Variants in ZBTB41 observed in about 807,000 individuals in gnomAD.
ZBTB41 encodes zinc finger and BTB domain containing 41.
ZBTB41 carries 42 observed loss-of-function variants against 87.6 expected under a neutral mutation model. That is an observed-to-expected ratio of 0.48 (90% CI 0.37 to 0.62). The LOEUF (loss-of-function observed/expected upper bound fraction) is 0.62. Among genes scored for constraint, ZBTB41 ranks in the 20% least tolerant of loss-of-function variants. The pLI is 0.00. For missense variants in ZBTB41, 799 were observed against 1,078.9 expected (o/e 0.74, Z 3.63); for synonymous variants, 364 against 364.0 (o/e 1.00, Z 0.00).
intron 10 of ZBTB41, among the ~76,000 whole-genome samples, chr1:197,162,590 T>C (rs1468348895): frequency 6.6e-6 from 1 of 152,178 alleles, no homozygotes; most frequent in Non-Finnish European, 1.5e-5. Context: ...TTCAGACTTA[T>C]TTCAGACTTA....
In ZBTB41 at chr1:197,154,145, A is replaced by C. The variant is rs917284677; in HGVS notation, c.*5214T>G. ...CGTTAGAAGGAATAAAAATTTTGTA[A>C]TTACATCACAGTACATTGTCCAGCT... On this transcript the variant is annotated 3_prime_UTR_variant, in exon 11 of 11. Transcript: ENST00000367405. The C allele has an allele frequency of 1.3e-5, 2 of 152,568 alleles. No individual in the cohort carries two copies. The highest frequency in any genetic ancestry group is 6.5e-5 in the Admixed American group (1 of 15,284). 9.5% of individuals were successfully genotyped at this position (152,568 alleles called of 1,614,324 possible).
Position 197,160,064 on chromosome 1 carries a change from A to G in ZBTB41, c.2075-50T>C, listed in dbSNP as rs371275675. The G allele has an allele frequency of 1.6e-5, 24 of 1,462,170 alleles. No homozygotes were observed. In the African/African-American group the frequency reaches 2.7e-4, roughly 16 times the overall value. The allele number at this position is 1,462,170 out of a possible 1,614,324, so 90.6% of individuals were successfully genotyped here. On this transcript the variant is annotated intron_variant, in intron 10 of 10. Coordinates refer to ENST00000367405, the MANE Select transcript of ZBTB41 (RefSeq NM_194314.3). ...TTAGATGTAAAATGTACTCAACTTG[A>G]TAAGACAATGACTTCAAGTAGCAAA...
At position 197,154,476 on chromosome 1, in the gene ZBTB41, T is replaced by C. The variant is rs1296939432; in HGVS notation, c.*4883A>G. The C allele has an allele frequency of 7.9e-5, 12 of 152,086 alleles. No homozygotes were observed. Among genetic ancestry groups the C allele is most frequent in the Admixed American group, 7.2e-4 (11 of 15,274 alleles). 9.4% of individuals were successfully genotyped at this position (152,086 alleles called of 1,614,324 possible). On this transcript the variant is annotated 3_prime_UTR_variant, in exon 11 of 11. Coordinates refer to ENST00000367405, the MANE Select transcript of ZBTB41 (RefSeq NM_194314.3). Reference sequence around the variant, plus strand: ...TAGATTTATGATCATACACAGCAAGTTGAAACATGAGTAAACAAAACATAA... The same window carrying C: ...TAGATTTATGATCATACACAGCAAGCTGAAACATGAGTAAACAAAACATAA...
intron 7 of ZBTB41, 125 bp from the exon 8 acceptor site, chr1:197,176,795 G>A (rs1659620330): frequency 1.5e-6 from 1 of 680,710 alleles, no homozygotes. Flanking sequence ...ATACATTATT[G>A]GCTTTATTTC....
At chr1:197,184,960 G>A (rs959441257) in intron 5 of ZBTB41, among the ~76,000 whole-genome samples, 39 of 152,016 alleles carry the variant, frequency 2.6e-4, no homozygotes, top group Admixed American at 9.2e-4. Context: ...GATTACAGGC[G>A]TCCGCCACCA....
rs139277069 is a variant in ZBTB41 at position 197,200,344 on chromosome 1, T to C, written c.130A>G (p.Thr44Ala). ...VTYTHSAGRP[T>A]PEALHCYQEL... ...TGGTAACAGTGAAGAGCTTCAGGAG[T>C]TGGTCTTCCTGCAGAATGAGTATAG... Residue 44 changes from threonine to alanine, a missense_variant, in exon 2 of 11, where the codon ACT becomes GCT. Transcript: ENST00000367405. 6.2e-6 allele frequency: 10 copies of C among 1,613,950 alleles called. No homozygotes were observed. The African/African-American group carries it at 8.0e-5, about 13-fold the overall frequency.
At chr1:197,197,511 T>A (rs1370199582) in intron 2 of ZBTB41, among the ~76,000 whole-genome samples, 1 of 100,816 alleles carries the variant, frequency 9.9e-6, no homozygotes, top group Non-Finnish European at 2.0e-5. Context: ...TTATCTGGGC[T>A]GAACTTGGAA....
chr1:197,199,489 T>C lies in ZBTB41; in HGVS notation c.985A>G (p.Asn329Asp). ...GCCTCAGGTTCTTCTTCTGCATCAT[T>C]ATGATCCTTTTCACTTTGTTCTTCA... ...DIEEQSEKDH[N>D]DAEEEPEAGD... is the part of the protein sequence containing the mutation. The change falls in exon 2 of 11, where the codon AAT becomes GAT. Residue 329 changes from asparagine to aspartate, a missense_variant. This residue lies in a region of ZBTB41 where 294 missense variants were observed against 340.1 expected (regional missense o/e 0.86). Coordinates refer to ENST00000367405, the MANE Select transcript of ZBTB41 (RefSeq NM_194314.3). 6.2e-7 allele frequency: 1 copy of C among 1,613,152 alleles called. No individual in the cohort carries two copies. The highest frequency in any genetic ancestry group is 8.5e-7 in the Non-Finnish European group (1 of 1,179,742).
chr1:197,189,047 C>A (rs1659955413), intron 4 of ZBTB41, among the ~76,000 whole-genome samples: 2 of 152,044 alleles, frequency 1.3e-5, no homozygotes, highest in Admixed American at 6.5e-5. Flanking sequence ...CATTTTATAG[C>A]CAAGGATGAT....
chr1:197,199,923 G>T lies in ZBTB41; in HGVS notation c.551C>A (p.Ser184Ter), dbSNP rs769233532. ...TGGTGATGACTTTTCAGTTAGCTCT[G>T]AATGAAAAGGGGCAACATTTTCGTT... is the stretch of plus-strand genomic sequence containing the variant. ...LNNENVAPFH[S>*]ELTEKSSPEE... Residue 184 changes from serine (S) to a stop codon, truncating the protein, a stop_gained, in exon 2 of 11, where the codon TCA (serine) becomes TAA (stop). Transcript: ENST00000367405. LOFTEE classifies it high-confidence loss of function. The T allele has an allele frequency of 1.2e-6, 2 of 1,612,380 alleles. No homozygotes were observed. The highest frequency in any genetic ancestry group is 1.7e-6 in the Non-Finnish European group (2 of 1,179,114).
At chr1:197,183,999 T>C (rs1659821374) in intron 5 of ZBTB41, among the ~76,000 whole-genome samples, 1 of 152,212 alleles carries the variant, frequency 6.6e-6, no homozygotes, top group African/African-American at 2.4e-5. Context: ...TTACTTTAGT[T>C]TGTAAGTTCC....
intron 6 of ZBTB41, 138 bp from the exon 7 acceptor site, chr1:197,178,650 C>A (rs1314631451): frequency 3.7e-6 from 2 of 544,100 alleles, no homozygotes; most frequent in East Asian, 3.3e-5. Context: ...TAATTTTGTT[C>A]TTTTCTATTC....
chr1:197,176,414 A>C, intron 8 of ZBTB41, 150 bp downstream of exon 8: 2 of 565,026 alleles, frequency 3.5e-6, no homozygotes, highest in Middle Eastern at 4.7e-4. Flanking sequence ...GATGCTTTTT[A>C]AAAAATGTTT....
At chr1:197,190,630 T>A in intron 4 of ZBTB41, 132 bp downstream of exon 4, 1 of 571,444 alleles carries the variant, frequency 1.7e-6, no homozygotes, top group Non-Finnish European at 3.1e-6. Context: ...ATTAGAATAA[T>A]TTTATATAAA....
chr1:197,192,415 C>T (rs7520284), intron 2 of ZBTB41, among the ~76,000 whole-genome samples: 3 of 151,932 alleles, frequency 2.0e-5, no homozygotes, highest in African/African-American at 2.4e-5. Flanking sequence ...TGAAAAACTG[C>T]GGTAATAACA....
intron 9 of ZBTB41, among the ~76,000 whole-genome samples, chr1:197,174,664 C>A (rs1659560026): frequency 6.6e-6 from 1 of 152,050 alleles, no homozygotes; most frequent in Admixed American, 6.6e-5. Flanking sequence ...TGATTAGAAA[C>A]AAGTTTAAAT....
chr1:197,188,169 C>A, intron 5 of ZBTB41, 123 bp downstream of exon 5: 1 of 1,168,130 alleles, frequency 8.6e-7, no homozygotes, highest in Non-Finnish European at 1.2e-6. Flanking sequence ...TTGCTGTGAA[C>A]CTAAAACCAC....
In ZBTB41 at chr1:197,156,053, A is replaced by C. The variant is rs1401706437; in HGVS notation, c.*3306T>G. The C allele has an allele frequency of 6.6e-6, 1 of 152,316 alleles. No individual in the cohort carries two copies. The highest frequency in any genetic ancestry group is 1.9e-4 in the East Asian group (1 of 5,202). The allele number at this position is 152,316 out of a possible 1,614,324, so 9.4% of individuals were successfully genotyped here. A position where few individuals can be genotyped will look rare whatever the true frequency, so the allele number is the denominator to read the frequency against. ...TATTTAGCATTTAGTAGTGTTCTCT[A>C]AAAAACATAACATTGTATTAATTAA... On this transcript the variant is annotated 3_prime_UTR_variant, in exon 11 of 11. Coordinates refer to ENST00000367405, the MANE Select transcript of ZBTB41 (RefSeq NM_194314.3).
At position 197,178,504 on chromosome 1, in the gene ZBTB41, AAAG is replaced by A; in HGVS notation, c.1682_1684del (p.Thr561_Leu562delinsMet). On this transcript the variant is annotated inframe_deletion, in exon 7 of 11. Coordinates refer to ENST00000367405, the MANE Select transcript of ZBTB41 (RefSeq NM_194314.3). Reference sequence around the variant, plus strand: ...ACTGTGGATTCTCAAATGTTCTTTCAAAGTAGTTCTGCATTAAAATATATAGAT... The same window carrying A: ...ACTGTGGATTCTCAAATGTTCTTTCATAGTTCTGCATTAAAATATATAGAT... The A allele has an allele frequency of 6.2e-7, 1 of 1,603,762 alleles. No homozygotes were observed. Among genetic ancestry groups the A allele is most frequent in the Non-Finnish European group, 8.5e-7 (1 of 1,175,194 alleles).
Sources: gnomAD v4.1 joint callset for allele counts (sites outside exome capture counted in the v4.1 genomes callset) on GRCh38, gnomAD v4.1.1 for gene constraint, gnomAD v4.1.1 regional missense constraint, MANE v1.5 for transcripts, NCBI Gene and HGNC (gene_info 2026-07-23, HGNC 2026-07-21) for gene names.